UGP2: variants seen among roughly 807,000 people sequenced by gnomAD.
The protein encoded by UGP2 is UDP-glucose pyrophosphorylase 2, also known as UTP--glucose-1-phosphate uridylyltransferase.
A neutral mutation model predicts 49.0 loss-of-function variants in UGP2; 40 were observed. The observed-to-expected ratio is 0.82, with a 90% CI of 0.63 to 1.06. The LOEUF is 1.06. UGP2 is among the 50% of genes least tolerant of loss of function. The pLI, the probability that UGP2 is intolerant of heterozygous loss-of-function variation, is 0.00. For synonymous variants in UGP2, 225 were observed against 213.0 expected, an observed-to-expected ratio of 1.06 and a Z score of -0.49; for missense variants, 460 against 603.5, an observed-to-expected ratio of 0.76 and a Z score of 2.49.
chr2:63,890,891 T>TTCTACC (rs1672093184), intron 9 of UGP2, among the ~76,000 whole-genome samples: 1 of 152,204 alleles, frequency 6.6e-6, no homozygotes, highest in Non-Finnish European at 1.5e-5. Flanking sequence ...CCGCTCTTAG[T>TTCTACC]TCTACCTCTA....
intron 1 of UGP2, chr2:63,855,611 G>T: frequency 2.5e-6 from 1 of 394,602 alleles, no homozygotes; most frequent in South Asian, 1.8e-5. Flanking sequence ...GCGCGATCTC[G>T]CCTCACTGCA....
chr2:63,851,390 A>G (rs1370971747), intron 1 of UGP2, among the ~76,000 whole-genome samples: 2 of 152,210 alleles, frequency 1.3e-5, no homozygotes, highest in African/African-American at 2.4e-5. Context: ...GATATAATAC[A>G]GAGACAGGAG....
chr2:63,889,622 TAAAA>T (rs1671939706), intron 8 of UGP2: 1 of 152,906 alleles, frequency 6.5e-6, no homozygotes, highest in South Asian at 2.1e-4. Context: ...TCTAAGGAAA[TAAAA>T]AGACAAAGAT....
chr2:63,886,566 T>G (rs1485821507), intron 7 of UGP2, 28 bp downstream of exon 7: 1 of 1,611,908 alleles, frequency 6.2e-7, no homozygotes, highest in Non-Finnish European at 8.5e-7. Context: ...CCCATTGAGC[T>G]TCCTGGTTCC....
At chr2:63,859,515 C>G (rs1185710248) in intron 3 of UGP2, among the ~76,000 whole-genome samples, 1 of 151,878 alleles carries the variant, frequency 6.6e-6, no homozygotes, top group African/African-American at 2.4e-5. Flanking sequence ...AAGTGGGGGT[C>G]AGAGGGTGGA....
At chr2:63,888,820 T>C (rs959323517) in intron 8 of UGP2, 3 of 152,208 alleles carry the variant, frequency 2.0e-5, no homozygotes, top group African/African-American at 4.8e-5. Context: ...CAAAGTAACA[T>C]TGAACAAAAC....
intron 7 of UGP2, 42 bp downstream of exon 7, chr2:63,886,580 GGTCATA>G (rs1671687825): frequency 6.2e-7 from 1 of 1,606,268 alleles, no homozygotes; most frequent in Non-Finnish European, 8.5e-7. Flanking sequence ...TGGTTCCTAA[GGTCATA>G]GTAGGCTACA....
chr2:63,857,157 C>G (rs1033222959), intron 2 of UGP2, among the ~76,000 whole-genome samples: 8 of 151,970 alleles, frequency 5.3e-5, no homozygotes, highest in Non-Finnish European at 1.0e-4. Flanking sequence ...AAAAATTAGC[C>G]AGGCATGGTG....
chr2:63,879,281 T>C (rs1466166119), intron 3 of UGP2, among the ~76,000 whole-genome samples: 1 of 152,194 alleles, frequency 6.6e-6, no homozygotes, highest in Admixed American at 6.5e-5. Context: ...TTATGTTTAT[T>C]GTCATTCTGT....
At chr2:63,849,676 A>G (rs1008342619) in intron 1 of UGP2, among the ~76,000 whole-genome samples, 1 of 152,214 alleles carries the variant, frequency 6.6e-6, no homozygotes, top group Non-Finnish European at 1.5e-5. Context: ...AGTGGCAAAC[A>G]CCTGGAGGTG....
At chr2:63,882,814 C>A in intron 4 of UGP2, 163 bp downstream of exon 4, 1 of 668,494 alleles carries the variant, frequency 1.5e-6, no homozygotes, top group Non-Finnish European at 2.2e-6. Flanking sequence ...TTCTTAAGGG[C>A]AAATCCTTAA....
Position 63,891,241 on chromosome 2 carries a change from G to A in UGP2, c.*14G>A. 6.3e-7 allele frequency: 1 copy of A among 1,595,634 alleles called. No homozygotes were observed. Among genetic ancestry groups the A allele is most frequent in the Non-Finnish European group, 8.6e-7 (1 of 1,164,538 alleles). ...TTGGACCACTGAAATGAAAAATACT[G>A]TGGACACTTAAATAATGGGCTAGTT... On this transcript the variant is annotated 3_prime_UTR_variant, in exon 10 of 10. Transcript: ENST00000337130.
At chr2:63,849,900 C>T (rs1668927865) in intron 1 of UGP2, among the ~76,000 whole-genome samples, 1 of 152,200 alleles carries the variant, frequency 6.6e-6, no homozygotes, top group Non-Finnish European at 1.5e-5. Context: ...TCTCTAAATG[C>T]ACACATAGCA....
chr2:63,849,043 T>C (rs1370116684), intron 1 of UGP2, among the ~76,000 whole-genome samples: 1 of 152,222 alleles, frequency 6.6e-6, no homozygotes, highest in African/African-American at 2.4e-5. Flanking sequence ...TTAATATACA[T>C]AAACAATAAA....
chr2:63,875,035 A>G (rs553411453), intron 3 of UGP2, among the ~76,000 whole-genome samples: 2 of 152,368 alleles, frequency 1.3e-5, no homozygotes, highest in African/African-American at 4.8e-5. Flanking sequence ...TATTCTAGGT[A>G]TGACTTTTCT....
chr2:63,881,105 C>T (rs1447888216), intron 3 of UGP2, among the ~76,000 whole-genome samples: 1 of 152,152 alleles, frequency 6.6e-6, no homozygotes, highest in Middle Eastern at 3.2e-3. Context: ...TTACACCAAA[C>T]AAGAAAGTGT....
rs1672135154 is a variant in UGP2 at position 63,891,254 on chromosome 2, T to TG, written c.*27_*28insG. ...ATGAAAAATACTGTGGACACTTAAA[T>TG]AATGGGCTAGTTTCTTACAATGAAA... On this transcript the variant is annotated 3_prime_UTR_variant, in exon 10 of 10. Transcript: ENST00000337130. 4 of 1,564,058 alleles carry TG rather than the reference T, an allele frequency of 2.6e-6. No individual in the cohort carries two copies. In the South Asian group the frequency reaches 4.5e-5, roughly 18 times the overall value.
chr2:63,857,551 C>T (rs1425319062), intron 2 of UGP2: 2 of 477,902 alleles, frequency 4.2e-6, no homozygotes, highest in Admixed American at 4.7e-5. Flanking sequence ...TTTTTGTAGA[C>T]ACCGGGTTTT....
At chr2:63,879,031 G>A (rs1287399364) in intron 3 of UGP2, among the ~76,000 whole-genome samples, 1 of 150,734 alleles carries the variant, frequency 6.6e-6, no homozygotes, top group Non-Finnish European at 1.5e-5. Context: ...GTTCCTGTTA[G>A]TACTTTTTCT....
Sources: gnomAD v4.1 joint callset for allele counts (sites outside exome capture counted in the v4.1 genomes callset) on GRCh38, gnomAD v4.1.1 for gene constraint, MANE v1.5 for transcripts, NCBI Gene and HGNC (gene_info 2026-07-23, HGNC 2026-07-21) for gene names.